SYNDIG1: variants seen among roughly 807,000 people sequenced by gnomAD.
SYNDIG1 encodes synapse differentiation-inducing gene protein 1.
SYNDIG1 carries 9 observed loss-of-function variants against 19.4 expected under a neutral mutation model. The ratio of observed to expected loss-of-function variants is 0.46; its 90% CI spans 0.28 to 0.81. The LOEUF is 0.81. Among genes scored for constraint, SYNDIG1 ranks in the 30% least tolerant of loss-of-function variants. The pLI is 0.12. For synonymous variants in SYNDIG1, 141 were observed against 145.9 expected, an observed-to-expected ratio of 0.97 and a Z score of 0.24; for missense variants, 311 against 343.3, an observed-to-expected ratio of 0.91 and a Z score of 0.74.
At position 24,543,489 on chromosome 20, in the gene SYNDIG1, G is replaced by A. The variant is rs375719708; in HGVS notation, c.392G>A (p.Gly131Glu). ...AAAGACAGCCTCGAGTACCCGGATG[G>A]GAAGTTCATTGACCTCTCAGCTGAT... ...PTKDSLEYPD[G>E]KFIDLSADDI... Residue 131 changes from glycine (G) to glutamate (E), a missense_variant, in exon 2 of 4, where the codon GGG becomes GAG. Gly to Glu is a moderately conservative substitution (Grantham distance 98, BLOSUM62 -2). Transcript: ENST00000376862. 6.8e-6 allele frequency: 11 copies of A among 1,612,602 alleles called. No individual in the cohort carries two copies. In the South Asian group the frequency reaches 8.8e-5, roughly 13 times the overall value.
intron 1 of SYNDIG1, among the ~76,000 whole-genome samples, chr20:24,493,374 A>C (rs2056209335): frequency 6.6e-6 from 1 of 152,006 alleles, no homozygotes; most frequent in African/African-American, 2.4e-5. Context: ...ATGCACACAC[A>C]CATGTGGACA....
At chr20:24,527,549 T>C (rs2057153304) in intron 1 of SYNDIG1, among the ~76,000 whole-genome samples, 1 of 152,090 alleles carries the variant, frequency 6.6e-6, no homozygotes, top group Non-Finnish European at 1.5e-5. Flanking sequence ...TTTCCTTCCT[T>C]CTTTCTCTAT....
At chr20:24,544,421 C>T (rs932225085) in intron 2 of SYNDIG1, among the ~76,000 whole-genome samples, 45 of 152,164 alleles carry the variant, frequency 3.0e-4, no homozygotes, top group Admixed American at 2.4e-3. Context: ...AAGGAAACCG[C>T]CGAGCAGGTC....
chr20:24,554,489 A>T (rs2057770378), intron 2 of SYNDIG1, among the ~76,000 whole-genome samples: 1 of 152,146 alleles, frequency 6.6e-6, no homozygotes, highest in Admixed American at 6.5e-5. Context: ...ATCAATACCT[A>T]ATTTATTGAG....
At chr20:24,584,366 C>T (rs73905119) in intron 2 of SYNDIG1, among the ~76,000 whole-genome samples, 2,157 of 152,350 alleles carry the variant, frequency 0.014, 54 homozygotes, top group African/African-American at 0.049. Flanking sequence ...TGAGAAGTCT[C>T]GTAATACAAA....
chr20:24,571,742 C>T (rs1190093136), intron 2 of SYNDIG1, among the ~76,000 whole-genome samples: 1 of 152,184 alleles, frequency 6.6e-6, no homozygotes, highest in Admixed American at 6.5e-5. Context: ...CCCAGCCCAT[C>T]CCTTGATAAA....
rs1840332657 is a variant in SYNDIG1 at position 24,508,417 on chromosome 20, C to T, written c.-78-34603C>T. On this transcript the variant is annotated intron_variant, in intron 1 of 3. Transcript: ENST00000376862. ...CTAATTTTTGTATTTTTAGTAGAGA[C>T]GGAGTTTCACCATGTTGGCCAAACT... Among the ~76,000 whole-genome samples the T allele has an allele frequency of 2.6e-5, 4 of 150,948 alleles. No individual in the cohort carries two copies. The South Asian group carries it at 8.4e-4, about 32-fold the overall frequency.
At chr20:24,588,910 C>A (rs140958122) in intron 3 of SYNDIG1, among the ~76,000 whole-genome samples, 293 of 128,026 alleles carry the variant, frequency 2.3e-3, no homozygotes, top group Non-Finnish European at 3.6e-3. Context: ...TGTGCAGGTT[C>A]GGAAGCACCT....
At chr20:24,601,013 T>C (rs1396165848) in intron 3 of SYNDIG1, among the ~76,000 whole-genome samples, 1 of 152,230 alleles carries the variant, frequency 6.6e-6, no homozygotes, top group Non-Finnish European at 1.5e-5. Context: ...ATTTCACTGT[T>C]AAGTAGGCTC....
chr20:24,583,127 GTT>G (rs2058357582), intron 2 of SYNDIG1, among the ~76,000 whole-genome samples: 1 of 152,228 alleles, frequency 6.6e-6, no homozygotes, highest in Admixed American at 6.5e-5. Context: ...CTGATTGGCA[GTT>G]TTACTTGTGT....
chr20:24,518,957 A>T (rs1228425017), intron 1 of SYNDIG1, among the ~76,000 whole-genome samples: 1 of 152,212 alleles, frequency 6.6e-6, no homozygotes, highest in Non-Finnish European at 1.5e-5. Flanking sequence ...ACCCTCTTCC[A>T]ATTTGGGTTT....
chr20:24,540,802 A>G (rs2057453891), intron 1 of SYNDIG1, among the ~76,000 whole-genome samples: 1 of 152,118 alleles, frequency 6.6e-6, no homozygotes. Context: ...TCAGTTTAGT[A>G]GTATTTTGTT....
chr20:24,491,284 C>G (rs1600419028), intron 1 of SYNDIG1, among the ~76,000 whole-genome samples: 1 of 152,162 alleles, frequency 6.6e-6, no homozygotes, highest in African/African-American at 2.4e-5. Flanking sequence ...AAGGGTTGCC[C>G]CTGGAGAACA....
intron 2 of SYNDIG1, among the ~76,000 whole-genome samples, chr20:24,560,694 C>CTTTTTTTTT (rs10658853): frequency 8.8e-6 from 1 of 113,822 alleles, no homozygotes. Flanking sequence ...CTGTTGACTA[C>CTTTTTTTTT]TTTTTTTTTT....
intron 1 of SYNDIG1, among the ~76,000 whole-genome samples, chr20:24,507,920 A>G (rs2056636868): frequency 3.9e-5 from 6 of 152,100 alleles, no homozygotes; most frequent in Admixed American, 3.3e-4. Flanking sequence ...CAACCCAGGA[A>G]CCTGCGCAGG....
chr20:24,525,583 A>G (rs895441458), intron 1 of SYNDIG1, among the ~76,000 whole-genome samples: 18 of 152,040 alleles, frequency 1.2e-4, no homozygotes, highest in African/African-American at 4.3e-4. Context: ...CATGCCCAGC[A>G]TACTTCATGG....
At chr20:24,602,734 C>A (rs2058697392) in intron 3 of SYNDIG1, among the ~76,000 whole-genome samples, 1 of 152,194 alleles carries the variant, frequency 6.6e-6, no homozygotes, top group Admixed American at 6.5e-5. Context: ...TTTAATGTTT[C>A]TTTAAGGATT....
intron 3 of SYNDIG1, among the ~76,000 whole-genome samples, chr20:24,637,110 C>T (rs1392667883): frequency 6.6e-6 from 1 of 152,224 alleles, no homozygotes; most frequent in African/African-American, 2.4e-5. Flanking sequence ...CTGCTGCAGC[C>T]TCAGCAGCCC....
chr20:24,649,074 G>A (rs1279168568), intron 3 of SYNDIG1, among the ~76,000 whole-genome samples: 1 of 152,182 alleles, frequency 6.6e-6, no homozygotes, highest in East Asian at 1.9e-4. Flanking sequence ...TGTCATGAAT[G>A]CAAAGTTCTG....
Sources: gnomAD v4.1 joint callset for allele counts (sites outside exome capture counted in the v4.1 genomes callset) on GRCh38, gnomAD v4.1.1 for gene constraint, MANE v1.5 for transcripts, NCBI Gene and HGNC (gene_info 2026-07-23, HGNC 2026-07-21) for gene names.